SPOCK3: variants seen among roughly 807,000 people sequenced by gnomAD.
The protein encoded by SPOCK3 is SPARC (osteonectin), cwcv and kazal like domains proteoglycan 3.
In SPOCK3, 30 loss-of-function variants were observed where a neutral mutation model predicts 56.6. The observed-to-expected ratio is 0.53, with a 90% CI of 0.40 to 0.72. The LOEUF is 0.72. Ranked by LOEUF, SPOCK3 falls within the 30% of genes least tolerant of loss-of-function variation. The pLI is 0.00. For missense variants in SPOCK3, 527 were observed against 530.0 expected (o/e 0.99, Z 0.06); for synonymous variants, 196 against 183.3 (o/e 1.07, Z -0.56).
intron 6 of SPOCK3, among the ~76,000 whole-genome samples, chr4:166,857,648 T>G (rs1730830935): frequency 6.6e-6 from 1 of 152,198 alleles, no homozygotes; most frequent in Admixed American, 6.5e-5. Context: ...TTATAAGTGG[T>G]TTGAATATAC....
chr4:167,173,768 AAAG>A lies in SPOCK3; in HGVS notation c.189+60214_189+60216del, dbSNP rs148038551. 7.8e-3 allele frequency among the ~76,000 whole-genome samples: 1,194 copies of A among 152,246 alleles called. 18 individuals are homozygous for A. The highest frequency in any genetic ancestry group is 0.027 in the African/African-American group (1,111 of 41,552). ...GAGTACAGTGAGAAAAACTGACAAA[AAAG>A]AAGGAGGAGGATGACTAGCAAGACT... On this transcript the variant is annotated intron_variant, in intron 2 of 10. Coordinates refer to ENST00000357545, the MANE Select transcript of SPOCK3 (RefSeq NM_001040159.2).
chr4:167,021,228 A>G (rs574179847), intron 3 of SPOCK3, among the ~76,000 whole-genome samples: 37 of 152,248 alleles, frequency 2.4e-4, no homozygotes, highest in Admixed American at 1.6e-3. Context: ...CATAGAAAAT[A>G]TTAACACAAA....
intron 6 of SPOCK3, among the ~76,000 whole-genome samples, chr4:166,878,332 A>G (rs1260775001): frequency 6.6e-6 from 1 of 152,040 alleles, no homozygotes; most frequent in East Asian, 1.9e-4. Flanking sequence ...AGAAAAATAA[A>G]TGATGCATGT....
At chr4:166,823,356 T>C (rs997302526) in intron 6 of SPOCK3, among the ~76,000 whole-genome samples, 2 of 152,044 alleles carry the variant, frequency 1.3e-5, no homozygotes, top group African/African-American at 4.8e-5. Flanking sequence ...CCTGGGTGCC[T>C]GAGTCACAAC....
intron 6 of SPOCK3, among the ~76,000 whole-genome samples, chr4:166,876,677 G>A (rs1036940388): frequency 1.3e-5 from 2 of 151,964 alleles, no homozygotes; most frequent in South Asian, 2.1e-4. Flanking sequence ...ATTTACAAAC[G>A]ATATTAATAG....
In SPOCK3 at chr4:166,741,701, A is replaced by G. The variant is rs368148354; in HGVS notation, c.994+296T>C. Among the ~76,000 whole-genome samples, 11 of 152,298 alleles carry G rather than the reference A, an allele frequency of 7.2e-5. No individual in the cohort carries two copies. The South Asian group carries it at 1.5e-3, about 20-fold the overall frequency. On this transcript the variant is annotated intron_variant, in intron 9 of 10. Transcript: ENST00000357545. ...TGCCATCAATTCTTAAATCTTCACCATATAATTTGAACTGAATTTTCTGCT... is the reference window on the plus strand; with the variant it reads ...TGCCATCAATTCTTAAATCTTCACCGTATAATTTGAACTGAATTTTCTGCT...
At chr4:167,002,708 T>TA (rs574926654) in intron 3 of SPOCK3, among the ~76,000 whole-genome samples, 8 of 151,898 alleles carry the variant, frequency 5.3e-5, no homozygotes, top group Non-Finnish European at 7.4e-5. Context: ...CATCATTAGG[T>TA]AAAAAAAAGC....
At chr4:166,963,468 T>C (rs7684084) in intron 4 of SPOCK3, among the ~76,000 whole-genome samples, 8,496 of 152,006 alleles carry the variant, frequency 0.056, 774 homozygotes, top group African/African-American at 0.19. Context: ...TCATTGTTGA[T>C]AATGAAATAT....
chr4:167,151,494 G>C (rs1324774580), intron 2 of SPOCK3, among the ~76,000 whole-genome samples: 1 of 149,624 alleles, frequency 6.7e-6, no homozygotes, highest in African/African-American at 2.5e-5. Context: ...GAGTGCAGTG[G>C]CATGATCTCG....
At chr4:167,163,104 T>C (rs1765457639) in intron 2 of SPOCK3, among the ~76,000 whole-genome samples, 1 of 151,394 alleles carries the variant, frequency 6.6e-6, no homozygotes, top group African/African-American at 2.4e-5. Flanking sequence ...ATAATTTTTA[T>C]TTACATACAA....
chr4:166,798,328 CTT>C (rs1466792065), intron 6 of SPOCK3, among the ~76,000 whole-genome samples: 8 of 152,096 alleles, frequency 5.3e-5, no homozygotes, highest in South Asian at 2.1e-4. Flanking sequence ...GATTTACTCT[CTT>C]GTTTTGTTCA....
intron 6 of SPOCK3, among the ~76,000 whole-genome samples, chr4:166,820,174 T>C (rs769151891): frequency 3.3e-5 from 5 of 152,120 alleles, no homozygotes; most frequent in African/African-American, 1.2e-4. Flanking sequence ...TTAATAACTA[T>C]ATATTTTGAC....
intron 10 of SPOCK3, 95 bp downstream of exon 10, chr4:166,737,372 T>A (rs923664721): frequency 7.5e-7 from 1 of 1,334,584 alleles, no homozygotes; most frequent in African/African-American, 1.5e-5. Context: ...TTGCATAGAG[T>A]AAGTCCTCAT....
At chr4:166,896,917 C>G (rs1159674302) in intron 5 of SPOCK3, among the ~76,000 whole-genome samples, 3 of 152,064 alleles carry the variant, frequency 2.0e-5, no homozygotes, top group Admixed American at 1.3e-4. Flanking sequence ...ACCCTTCCCC[C>G]CTTCACCAAC....
rs143975908 is a variant in SPOCK3, at chr4:166,746,089, G to A, written c.932-4030C>T. ...ATTAGACAGATCAATGACACAGAAA[G>A]TTAACAAAGATATCCAGGCCTTGAA... On this transcript the variant is annotated intron_variant, in intron 8 of 10. Coordinates refer to ENST00000357545, the MANE Select transcript of SPOCK3 (RefSeq NM_001040159.2). 3.9e-5 allele frequency among the ~76,000 whole-genome samples: 6 copies of A among 152,132 alleles called. No homozygotes were observed. The East Asian group carries it at 7.7e-4, about 20-fold the overall frequency.
chr4:167,193,946 C>T (rs1049041314), intron 2 of SPOCK3, among the ~76,000 whole-genome samples: 4 of 152,100 alleles, frequency 2.6e-5, no homozygotes, highest in Non-Finnish European at 5.9e-5. Context: ...TTTAAATATG[C>T]TTTCTACCAC....
chr4:166,951,418 G>T (rs1320388775), intron 4 of SPOCK3, among the ~76,000 whole-genome samples: 1 of 140,070 alleles, frequency 7.1e-6, no homozygotes, highest in African/African-American at 3.0e-5. Flanking sequence ...AATAACAGGA[G>T]CTGAAATTGA....
At chr4:166,901,168 C>T (rs1579587282) in intron 5 of SPOCK3, among the ~76,000 whole-genome samples, 1 of 152,252 alleles carries the variant, frequency 6.6e-6, no homozygotes, top group African/African-American at 2.4e-5. Context: ...TTTCCCACCT[C>T]CCCTCTCATT....
At chr4:166,849,783 A>G (rs1748487611) in intron 6 of SPOCK3, among the ~76,000 whole-genome samples, 1 of 152,112 alleles carries the variant, frequency 6.6e-6, no homozygotes, top group Non-Finnish European at 1.5e-5. Context: ...GTCAACTACC[A>G]TTCTACTTTC....
Sources: gnomAD v4.1 joint callset for allele counts (sites outside exome capture counted in the v4.1 genomes callset) on GRCh38, gnomAD v4.1.1 for gene constraint, MANE v1.5 for transcripts, NCBI Gene and HGNC (gene_info 2026-07-23, HGNC 2026-07-21) for gene names.